EDEM1: variants seen among roughly 807,000 people sequenced by gnomAD.
The protein encoded by EDEM1 is ER degradation-enhancing alpha-mannosidase-like protein 1.
EDEM1 carries 67 observed loss-of-function variants against 74.4 expected under a neutral mutation model. The observed-to-expected ratio is 0.90, with a 90% CI of 0.74 to 1.10. The LOEUF (loss-of-function observed/expected upper bound fraction) is 1.10. Among genes scored for constraint, EDEM1 ranks in the 50% least tolerant of loss-of-function variants. The probability of loss-of-function intolerance (pLI) is 0.00; values close to 1 mark genes in which losing one functional copy is unlikely to be tolerated. For missense variants in EDEM1, 926 were observed against 851.6 expected, an observed-to-expected ratio of 1.09 and a Z score of -1.09; for synonymous variants, 382 against 335.9, an observed-to-expected ratio of 1.14 and a Z score of -1.50.
At chr3:5,200,800 G>GTTAGGA (rs2106594862) in intron 3 of EDEM1, among the ~76,000 whole-genome samples, 1 of 150,932 alleles carries the variant, frequency 6.6e-6, no homozygotes, top group South Asian at 2.1e-4. Context: ...ATGTTACGGT[G>GTTAGGA]TTAGGGAAGT....
chr3:5,212,592 C>G (rs1289473993), intron 10 of EDEM1, among the ~76,000 whole-genome samples: 1 of 152,242 alleles, frequency 6.6e-6, no homozygotes, highest in East Asian at 1.9e-4. Context: ...ACAAGCTGCA[C>G]TGAATCTCAT....
At position 5,218,335 on chromosome 3, in the gene EDEM1, C is replaced by T. The variant is rs142042586; in HGVS notation, c.*2417C>T. 6.6e-6 allele frequency: 1 copy of T among 150,644 alleles called. No homozygotes were observed. The highest frequency in any genetic ancestry group is 2.4e-5 in the African/African-American group (1 of 40,902). The allele number at this position is 150,644 out of a possible 1,614,324, so 9.3% of individuals were successfully genotyped here. On this transcript the variant is annotated 3_prime_UTR_variant, in exon 12 of 12. Coordinates refer to ENST00000256497, the MANE Select transcript of EDEM1 (RefSeq NM_014674.3). ...CTGGATGCCAGAAGGTTCTTTGAGC[C>T]AGTTTCAAAGGTTACTTGTTTTTTT...
At chr3:5,200,144 C>T (rs1223775928) in intron 3 of EDEM1, among the ~76,000 whole-genome samples, 1 of 152,122 alleles carries the variant, frequency 6.6e-6, no homozygotes, top group African/African-American at 2.4e-5. Flanking sequence ...GTTGGCCAGG[C>T]TGGTCTCGAA....
At chr3:5,192,120 C>A (rs1349114038) in intron 1 of EDEM1, among the ~76,000 whole-genome samples, 1 of 152,234 alleles carries the variant, frequency 6.6e-6, no homozygotes, top group African/African-American at 2.4e-5. Flanking sequence ...TCCGTGACAC[C>A]ATCTAACTGT....
At chr3:5,190,009 G>T (rs1483821999) in intron 1 of EDEM1, among the ~76,000 whole-genome samples, 1 of 149,904 alleles carries the variant, frequency 6.7e-6, no homozygotes, top group African/African-American at 2.5e-5. Context: ...TGGGGGGGGG[G>T]ATAAACTTCA....
intron 4 of EDEM1, 25 bp from the exon 5 acceptor site, chr3:5,202,941 A>G (rs748689418): frequency 1.2e-6 from 2 of 1,604,310 alleles, no homozygotes. Context: ...GTTTTGTCAC[A>G]GTCTTTGTCT....
At chr3:5,203,387 T>A (rs2055057022) in intron 5 of EDEM1, among the ~76,000 whole-genome samples, 1 of 152,238 alleles carries the variant, frequency 6.6e-6, no homozygotes, top group African/African-American at 2.4e-5. Flanking sequence ...CCTGGCATAT[T>A]CCACTTGAAA....
At chr3:5,191,364 G>A (rs1490849626) in intron 1 of EDEM1, among the ~76,000 whole-genome samples, 8 of 151,836 alleles carry the variant, frequency 5.3e-5, no homozygotes, top group Admixed American at 2.6e-4. Flanking sequence ...GCTGGGACTA[G>A]AGGTGTGCCC....
At position 5,218,904 on chromosome 3, in the gene EDEM1, T is replaced by C. The variant is rs1334830450; in HGVS notation, c.*2986T>C. 1.3e-5 allele frequency: 2 copies of C among 152,132 alleles called. No individual in the cohort carries two copies. Among genetic ancestry groups the C allele is most frequent in the African/African-American group, 4.8e-5 (2 of 41,440 alleles). 9.4% of individuals were successfully genotyped at this position (152,132 alleles called of 1,614,324 possible). A position where few individuals can be genotyped will look rare whatever the true frequency, so the allele number is the denominator to read the frequency against. The stretch of plus-strand genomic sequence containing the variant: ...CTGGAACTTACTCATTGTAACTGAA[T>C]CCTCAGGGCTTTTCTTGTTTTAGAT... On this transcript the variant is annotated 3_prime_UTR_variant, in exon 12 of 12. Coordinates refer to ENST00000256497, the MANE Select transcript of EDEM1 (RefSeq NM_014674.3).
At chr3:5,211,010 G>T in intron 9 of EDEM1, 110 bp from the exon 10 acceptor site, 1 of 945,202 alleles carries the variant, frequency 1.1e-6, no homozygotes, top group Admixed American at 2.3e-5. Context: ...AGTTTCATAT[G>T]GTGTTGGATG....
chr3:5,190,832 C>T (rs1461723751), intron 1 of EDEM1, among the ~76,000 whole-genome samples: 2 of 152,068 alleles, frequency 1.3e-5, no homozygotes, highest in African/African-American at 4.8e-5. Flanking sequence ...TTTGTACTCT[C>T]CTTCCTTTAA....
Position 5,215,903 on chromosome 3 carries a change from G to A in EDEM1, c.1959G>A (p.Met653Ile). The A allele has an allele frequency of 6.2e-7, 1 of 1,612,502 alleles. No individual in the cohort carries two copies. Among genetic ancestry groups the A allele is most frequent in the Non-Finnish European group, 8.5e-7 (1 of 1,179,372 alleles). Residue 653 changes from methionine to isoleucine, a missense_variant, in exon 12 of 12, where the codon ATG becomes ATA. Met to Ile is a conservative substitution (Grantham distance 10). Coordinates refer to ENST00000256497, the MANE Select transcript of EDEM1 (RefSeq NM_014674.3). ...TCTACATGCGACAGATTGACCAGAT[G>A]GTTGGTTTGATTTGATCTGCTCTCT... is the stretch of plus-strand genomic sequence containing the variant. ...KSIYMRQIDQ[M>I]VGLI is the part of the protein sequence containing the mutation.
At chr3:5,194,352 A>C (rs1255801504) in intron 1 of EDEM1, among the ~76,000 whole-genome samples, 2 of 152,214 alleles carry the variant, frequency 1.3e-5, no homozygotes, top group African/African-American at 4.8e-5. Context: ...AAGTCCCCAG[A>C]ATTTCTCAAA....
Position 5,210,076 on chromosome 3 carries a change from G to A in EDEM1, c.1510-99G>A, listed in dbSNP as rs1032664464. On this transcript the variant is annotated intron_variant, in intron 8 of 11. Coordinates refer to ENST00000256497, the MANE Select transcript of EDEM1 (RefSeq NM_014674.3). ...GGCCCTGTTTCTTCCTTTGGCTGGC[G>A]ACTCGTCTCCATGGGGAAGCCCCGC... 343 of 1,032,568 alleles carry A rather than the reference G, an allele frequency of 3.3e-4. 2 individuals are homozygous for A. Among genetic ancestry groups the A allele is most frequent in the Non-Finnish European group, 8.6e-5 (57 of 661,198 alleles). The allele number at this position is 1,032,568 out of a possible 1,614,324, so 64.0% of individuals were successfully genotyped here.
At chr3:5,205,543 T>G (rs80115968) in intron 6 of EDEM1, among the ~76,000 whole-genome samples, 2,293 of 152,316 alleles carry the variant, frequency 0.015, 59 homozygotes, top group African/African-American at 0.052. Flanking sequence ...CTCCTGAGGT[T>G]GTTGTCAAGC....
rs410509 is a variant in EDEM1, at chr3:5,199,624, C to T, written c.615C>T (p.Ala205=). ...GAAATTCATCCGAGTTCCAGAAAGC[C>T]GTCAAGTTAGTGATCAACACAGTTT... is the stretch of plus-strand genomic sequence containing the variant. ...IMGNSSEFQK[A]VKLVINTVSF... Residue 205 remains alanine, a synonymous_variant, in exon 3 of 12, where the codon GCC becomes GCT. Transcript: ENST00000256497. 6.2e-7 allele frequency: 1 copy of T among 1,613,710 alleles called. No individual in the cohort carries two copies. The highest frequency in any genetic ancestry group is 8.5e-7 in the Non-Finnish European group (1 of 1,179,870).
In EDEM1 at chr3:5,203,230, T is replaced by C. The variant is rs1211796006; in HGVS notation, c.1042+81T>C. 10 of 1,374,814 alleles carry C rather than the reference T, an allele frequency of 7.3e-6. No individual in the cohort carries two copies. In the East Asian group the frequency reaches 2.6e-4, roughly 36 times the overall value. 85.2% of individuals were successfully genotyped at this position (1,374,814 alleles called of 1,614,324 possible). A position where few individuals can be genotyped will look rare whatever the true frequency, so the allele number is the denominator to read the frequency against. On this transcript the variant is annotated intron_variant, in intron 5 of 11. Transcript: ENST00000256497. ...TCATCTTCTCTGGGCTCTGCCCCCTTTTTACTCTTCAACTCAATTGACAAC... is the reference window on the plus strand; with the variant it reads ...TCATCTTCTCTGGGCTCTGCCCCCTCTTTACTCTTCAACTCAATTGACAAC...
At position 5,201,972 on chromosome 3, in the gene EDEM1, C is replaced by T. The variant is rs769186426; in HGVS notation, c.858+48C>T. 7 of 1,561,656 alleles carry T rather than the reference C, an allele frequency of 4.5e-6. No individual in the cohort carries two copies. In the East Asian group the frequency reaches 1.6e-4, roughly 35 times the overall value. ...TTGTGTTTGACAATTCACTATCTTC[C>T]TGAATTAAAATTCTTTGCTTACTAA... On this transcript the variant is annotated intron_variant, in intron 4 of 11. Coordinates refer to ENST00000256497, the MANE Select transcript of EDEM1 (RefSeq NM_014674.3).
intron 10 of EDEM1, among the ~76,000 whole-genome samples, chr3:5,211,889 C>T (rs1017431857): frequency 6.6e-6 from 1 of 152,150 alleles, no homozygotes; most frequent in Admixed American, 6.5e-5. Context: ...CACCGCTCTG[C>T]CTCGTGCATA....
Sources: allele counts gnomAD v4.1 joint callset (sites outside exome capture counted in the v4.1 genomes callset), GRCh38; gene constraint gnomAD v4.1.1; transcripts MANE v1.5; gene names NCBI Gene and HGNC (gene_info 2026-07-23, HGNC 2026-07-21).